Variants in CLOCK observed in about 807,000 individuals in gnomAD.
CLOCK encodes clock circadian regulator.
In CLOCK, 43 loss-of-function variants were observed where a neutral mutation model predicts 118.4. That is an observed-to-expected ratio of 0.36 (90% CI 0.28 to 0.47). CLOCK has a LOEUF of 0.47. Among genes scored for constraint, CLOCK ranks in the 20% least tolerant of loss-of-function variants. CLOCK has a pLI of 1.00. For missense variants in CLOCK, 846 were observed against 999.9 expected (o/e 0.85, Z 2.08); for synonymous variants, 326 against 339.2 (o/e 0.96, Z 0.43).
chr4:55,464,153 G>A lies in CLOCK; in HGVS notation c.439-348C>T, dbSNP rs376643987. ...ATACTCAAACCTATGGTAAACAATG[G>A]TGGTATATCCTACTATAAAGGACTA... is the stretch of plus-strand genomic sequence containing the variant. On this transcript the variant is annotated intron_variant, in intron 8 of 22. Coordinates refer to ENST00000513440, the MANE Select transcript of CLOCK (RefSeq NM_004898.4). Among the ~76,000 whole-genome samples the A allele has an allele frequency of 2.9e-4, 44 of 152,294 alleles. No homozygotes were observed. The East Asian group carries it at 4.0e-3, about 14-fold the overall frequency.
chr4:55,460,598 C>G (rs536896005), intron 9 of CLOCK, among the ~76,000 whole-genome samples: 15 of 152,160 alleles, frequency 9.9e-5, no homozygotes, highest in Non-Finnish European at 1.9e-4. Context: ...TTGCAAATTA[C>G]CTTGCATCTA....
At chr4:55,470,978 T>G (rs931990755) in intron 7 of CLOCK, among the ~76,000 whole-genome samples, 172 bp from the exon 8 acceptor site, 1 of 152,188 alleles carries the variant, frequency 6.6e-6, no homozygotes, top group Non-Finnish European at 1.5e-5. Flanking sequence ...TCTTTGTTCA[T>G]TTTTAAATGC....
Position 55,535,784 on chromosome 4 carries a change from C to T in CLOCK, c.-290+10998G>A, listed in dbSNP as rs563958268. Among the ~76,000 whole-genome samples the T allele has an allele frequency of 7.4e-4, 104 of 141,022 alleles. 1 individual carries two copies. Among genetic ancestry groups the T allele is most frequent in the Non-Finnish European group, 1.3e-3 (84 of 66,534 alleles). 92.5% of individuals were successfully genotyped at this position (141,022 alleles called of 152,430 possible). On this transcript the variant is annotated intron_variant, in intron 1 of 22. Coordinates refer to ENST00000513440, the MANE Select transcript of CLOCK (RefSeq NM_004898.4). Reference sequence around the variant, plus strand: ...GAGATGGAGTCTTGTTGCTCTGTCACCCAGGCTGGAGTGCAGTGGCACAAT... The same window carrying T: ...GAGATGGAGTCTTGTTGCTCTGTCATCCAGGCTGGAGTGCAGTGGCACAAT...
chr4:55,478,020 A>T (rs542565333), intron 6 of CLOCK, among the ~76,000 whole-genome samples: 31 of 152,192 alleles, frequency 2.0e-4, no homozygotes, highest in East Asian at 5.8e-4. Flanking sequence ...TGGAGCATAA[A>T]CCAGTCCTGT....
At chr4:55,516,398 A>G (rs991176306) in intron 1 of CLOCK, among the ~76,000 whole-genome samples, 2 of 152,212 alleles carry the variant, frequency 1.3e-5, no homozygotes, top group African/African-American at 4.8e-5. Context: ...ACAGATGTTT[A>G]GGACTACTAT....
At chr4:55,542,365 TA>T (rs1560489874) in intron 1 of CLOCK, among the ~76,000 whole-genome samples, 24,221 of 64,568 alleles carry the variant, frequency 0.38, 2,643 homozygotes, top group South Asian at 0.48. Flanking sequence ...ATAATAATAA[TA>T]ATAATAATAA....
chr4:55,450,333 T>C, intron 15 of CLOCK, 101 bp from the exon 16 acceptor site: 2 of 1,400,530 alleles, frequency 1.4e-6, no homozygotes, highest in South Asian at 1.2e-5. Context: ...TTTTTGTCTA[T>C]AACAAGGCAA....
chr4:55,429,155 A>G lies in CLOCK; in HGVS notation c.*6260T>C, dbSNP rs923903952. 4 of 151,952 alleles carry G rather than the reference A, an allele frequency of 2.6e-5. No homozygotes were observed. The highest frequency in any genetic ancestry group is 9.7e-5 in the African/African-American group (4 of 41,356). 9.4% of individuals were successfully genotyped at this position (151,952 alleles called of 1,614,324 possible). On this transcript the variant is annotated 3_prime_UTR_variant, in exon 23 of 23. Coordinates refer to ENST00000513440, the MANE Select transcript of CLOCK (RefSeq NM_004898.4). The stretch of plus-strand genomic sequence containing the variant: ...AAGCCAACTCAAAAACACACATTAT[A>G]AACATTTGAATGTCATTTTTAAAAG...
intron 2 of CLOCK, among the ~76,000 whole-genome samples, chr4:55,496,801 C>T (rs1054002038): frequency 1.3e-5 from 2 of 152,100 alleles, no homozygotes; most frequent in Non-Finnish European, 2.9e-5. Flanking sequence ...TAAGGAATCA[C>T]GTCACCATTC....
chr4:55,511,536 A>T (rs1729145636), intron 1 of CLOCK, among the ~76,000 whole-genome samples: 1 of 152,070 alleles, frequency 6.6e-6, no homozygotes, highest in Non-Finnish European at 1.5e-5. Flanking sequence ...TTTCCCATTG[A>T]CTCCATTAAT....
chr4:55,511,834 T>G (rs1215531792), intron 1 of CLOCK, among the ~76,000 whole-genome samples: 2 of 152,164 alleles, frequency 1.3e-5, no homozygotes, highest in Non-Finnish European at 2.9e-5. Flanking sequence ...TTTTCCAGAA[T>G]GTCATGAAGT....
intron 1 of CLOCK, among the ~76,000 whole-genome samples, chr4:55,531,566 G>A (rs191108508): frequency 7.5e-4 from 114 of 151,948 alleles, no homozygotes; most frequent in Admixed American, 1.2e-3. Flanking sequence ...TTAGCTGGGC[G>A]TGGTGGTATG....
chr4:55,468,802 G>C (rs957039722), intron 8 of CLOCK, among the ~76,000 whole-genome samples: 22 of 152,194 alleles, frequency 1.4e-4, no homozygotes, highest in African/African-American at 5.3e-4. Context: ...AGATAAAGTG[G>C]TAAGACCTTG....
chr4:55,493,638 G>C (rs375866730), intron 2 of CLOCK, among the ~76,000 whole-genome samples: 1 of 152,092 alleles, frequency 6.6e-6, no homozygotes, highest in African/African-American at 2.4e-5. Flanking sequence ...TAATGTACGA[G>C]GAAAAAATGA....
At chr4:55,539,918 T>C (rs78786719) in intron 1 of CLOCK, among the ~76,000 whole-genome samples, 190 of 152,154 alleles carry the variant, frequency 1.2e-3, no homozygotes, top group African/African-American at 3.1e-3. Flanking sequence ...CATATACTTA[T>C]GTAATGGCTC....
chr4:55,492,740 G>A (rs535525242), intron 2 of CLOCK, among the ~76,000 whole-genome samples: 1 of 152,248 alleles, frequency 6.6e-6, no homozygotes, highest in South Asian at 2.1e-4. Context: ...AGTTACTCGG[G>A]AGGGTGAGGC....
At chr4:55,517,775 T>G (rs1729607811) in intron 1 of CLOCK, among the ~76,000 whole-genome samples, 1 of 151,856 alleles carries the variant, frequency 6.6e-6, no homozygotes, top group Non-Finnish European at 1.5e-5. Context: ...ATCAATTTGC[T>G]TAATGGTTAT....
intron 19 of CLOCK, 60 bp from the exon 20 acceptor site, chr4:55,443,956 T>C: frequency 6.8e-7 from 1 of 1,481,000 alleles, no homozygotes; most frequent in Non-Finnish European, 9.3e-7. Context: ...GAATGAGCAT[T>C]AAAAAGAAGG....
rs956952239 is a variant in CLOCK at position 55,444,543 on chromosome 4, G to A, written c.1692+90C>T. ...ACTGAATTGATAAAACGTATCTCTT[G>A]CATCTCACTTTTAATTAAGAAAAGT... is the stretch of plus-strand genomic sequence containing the variant. On this transcript the variant is annotated intron_variant, in intron 19 of 22. Coordinates refer to ENST00000513440, the MANE Select transcript of CLOCK (RefSeq NM_004898.4). 4.1e-6 allele frequency: 6 copies of A among 1,455,266 alleles called. No individual in the cohort carries two copies. In the African/African-American group the frequency reaches 8.4e-5, roughly 20 times the overall value. 90.1% of individuals were successfully genotyped at this position (1,455,266 alleles called of 1,614,324 possible). A position where few individuals can be genotyped will look rare whatever the true frequency, so the allele number is the denominator to read the frequency against.
Sources: gnomAD v4.1 joint callset for allele counts (sites outside exome capture counted in the v4.1 genomes callset) on GRCh38, gnomAD v4.1.1 for gene constraint, MANE v1.5 for transcripts, NCBI Gene and HGNC (gene_info 2026-07-23, HGNC 2026-07-21) for gene names.